Variants in DST observed in about 807,000 individuals in gnomAD.
DST encodes bullous pemphigoid antigen.
In DST, 253 loss-of-function variants were observed where a neutral mutation model predicts 875.2. That is an observed-to-expected ratio of 0.29 (90% CI 0.26 to 0.32). The LOEUF (loss-of-function observed/expected upper bound fraction) is 0.32, where lower values mean the gene tolerates loss of function less well. DST is among the 10% of genes least tolerant of loss of function. The probability of loss-of-function intolerance (pLI) is 1.00; values close to 1 mark genes in which losing one functional copy is unlikely to be tolerated. For synonymous variants in DST, 3,124 were observed against 3,197.1 expected, an observed-to-expected ratio of 0.98 and a Z score of 0.77; for missense variants, 8,287 against 9,111.6, an observed-to-expected ratio of 0.91 and a Z score of 3.68.
intron 2 of DST, among the ~76,000 whole-genome samples, chr6:56,906,150 A>G (rs558230698): frequency 6.6e-6 from 1 of 152,204 alleles, no homozygotes; most frequent in African/African-American, 2.4e-5. Flanking sequence ...TTGAGAAACC[A>G]CCATACTGTT....
At chr6:56,776,179 T>C (rs559882033) in intron 4 of DST, among the ~76,000 whole-genome samples, 1 of 152,238 alleles carries the variant, frequency 6.6e-6, no homozygotes, top group South Asian at 2.1e-4. Context: ...AATCTAACCA[T>C]AGGAAAAACA....
chr6:56,606,288 G>T lies in DST; in HGVS notation c.8340C>A (p.Ser2780=), dbSNP rs45617936. ...EEYVTGQEFH[S]DTDHLDSMQS... is the part of the protein sequence containing the mutation. ...GCATAGAATCTAAATGATCAGTATCGGAGTGAAATTCCTGTCCAGTTACAT... is the reference window on the plus strand; with the variant it reads ...GCATAGAATCTAAATGATCAGTATCTGAGTGAAATTCCTGTCCAGTTACAT... The change falls in exon 40 of 104, where the codon TCC becomes TCA. Residue 2780 remains serine, a synonymous_variant. Transcript: ENST00000680361. The T allele has an allele frequency of 1.3e-6, 2 of 1,593,616 alleles. No homozygotes were observed.
chr6:56,515,359 A>G (rs943221998), intron 72 of DST, 91 bp downstream of exon 72: 1 of 1,401,474 alleles, frequency 7.1e-7, no homozygotes, highest in Non-Finnish European at 9.8e-7. Flanking sequence ...TGCCTTAATC[A>G]TGTAAGTGTT....
intron 3 of DST, chr6:56,871,058 CAAATG>C (rs1776852359): frequency 2.3e-6 from 1 of 437,882 alleles, no homozygotes; most frequent in Non-Finnish European, 4.1e-6. Context: ...AGAAAAATAG[CAAATG>C]AAATGGACAG....
intron 4 of DST, among the ~76,000 whole-genome samples, chr6:56,779,775 G>T (rs1216614686): frequency 1.3e-5 from 2 of 149,884 alleles, no homozygotes; most frequent in Non-Finnish European, 3.0e-5. Flanking sequence ...TGCACAATAT[G>T]CAGGTTAGTT....
intron 72 of DST, among the ~76,000 whole-genome samples, chr6:56,513,534 T>C (rs1283982609): frequency 6.6e-6 from 1 of 150,924 alleles, no homozygotes; most frequent in Non-Finnish European, 1.5e-5. Flanking sequence ...CTGACTAATT[T>C]TGTATTTTTA....
At chr6:56,561,777 C>A (rs1433881672) in intron 56 of DST, among the ~76,000 whole-genome samples, 1 of 152,044 alleles carries the variant, frequency 6.6e-6, no homozygotes, top group Non-Finnish European at 1.5e-5. Context: ...ATAAAAAAGA[C>A]ATTTTAAATG....
intron 4 of DST, chr6:56,842,978 G>C (rs370243574): frequency 3.1e-6 from 4 of 1,273,162 alleles, no homozygotes; most frequent in South Asian, 5.8e-5. Context: ...AGGAGTGGTG[G>C]CTCTGATTAA....
intron 10 of DST, among the ~76,000 whole-genome samples, chr6:56,665,668 C>T (rs949680105): frequency 8.6e-5 from 13 of 152,030 alleles, no homozygotes; most frequent in African/African-American, 1.2e-4. Context: ...GCCATAAAGA[C>T]GGCAACAACC....
chr6:56,653,248 ATACAATGAGTCTGAGTAAGTCATCTCTTT>A, intron 10 of DST, among the ~76,000 whole-genome samples: 1 of 152,366 alleles, frequency 6.6e-6, no homozygotes, highest in Non-Finnish European at 1.5e-5. Context: ...CAGCTGTAGA[ATACAATGAGTCTGAGTAAGTCATCTCTTT>A]TATCATGATG....
intron 2 of DST, among the ~76,000 whole-genome samples, chr6:56,950,287 T>C (rs1483062491): frequency 6.6e-6 from 1 of 152,206 alleles, no homozygotes; most frequent in African/African-American, 2.4e-5. Context: ...AAGGCTTCCC[T>C]TATTCCACTG....
intron 4 of DST, among the ~76,000 whole-genome samples, chr6:56,800,507 A>G (rs2099745416): frequency 6.6e-6 from 1 of 152,154 alleles, no homozygotes; most frequent in Admixed American, 6.5e-5. Flanking sequence ...CCTATCCCCA[A>G]TCTCCATGGT....
At chr6:56,678,528 G>A (rs534560950) in intron 9 of DST, among the ~76,000 whole-genome samples, 192 of 152,250 alleles carry the variant, frequency 1.3e-3, no homozygotes, top group Middle Eastern at 3.4e-3. Flanking sequence ...AGAGAAAAAC[G>A]AAGAGTAGTT....
At position 56,476,178 on chromosome 6, in the gene DST, C is replaced by G; in HGVS notation, c.21835G>C (p.Glu7279Gln). 2 of 1,612,044 alleles carry G rather than the reference C, an allele frequency of 1.2e-6. No homozygotes were observed. The highest frequency in any genetic ancestry group is 1.7e-6 in the Non-Finnish European group (2 of 1,179,102). ...DKEVIPQEIE[E>Q]VKALIAEHQT... ...TGTTCTGCAATGAGTGCTTTCACCT[C>G]TTCGATCTCCTGGGGGATGACTTCT... Residue 7279 changes from glutamate (E) to glutamine (Q), a missense_variant, in exon 92 of 104, where the codon GAG (glutamate) becomes CAG (glutamine). Transcript: ENST00000680361.
chr6:56,791,486 A>C (rs1006539373), intron 4 of DST, among the ~76,000 whole-genome samples: 2 of 152,164 alleles, frequency 1.3e-5, no homozygotes, highest in African/African-American at 2.4e-5. Flanking sequence ...TAAATGTATG[A>C]TTTAAAAATT....
intron 61 of DST, chr6:56,542,846 A>C (rs965388943): frequency 6.6e-6 from 1 of 152,306 alleles, no homozygotes; most frequent in African/African-American, 2.4e-5. Flanking sequence ...CCGGAGCCGC[A>C]GCTCTCTACC....
intron 37 of DST, among the ~76,000 whole-genome samples, chr6:56,613,867 T>C (rs554701091): frequency 6.6e-6 from 1 of 152,318 alleles, no homozygotes; most frequent in East Asian, 1.9e-4. Context: ...CACTTCCTTA[T>C]GAGATAGAAA....
intron 20 of DST, 31 bp from the exon 21 acceptor site, chr6:56,639,642 T>A (rs1015355962): frequency 4.3e-6 from 7 of 1,613,594 alleles, no homozygotes; most frequent in Non-Finnish European, 5.1e-6. Context: ...ATAAGAATCA[T>A]GTTTTTGCCA....
intron 3 of DST, among the ~76,000 whole-genome samples, chr6:56,858,811 T>TA (rs1286965590): frequency 6.6e-6 from 1 of 152,214 alleles, no homozygotes; most frequent in Non-Finnish European, 1.5e-5. Context: ...TGGGTGATTA[T>TA]AATTTAAGCA....
Sources: allele counts gnomAD v4.1 joint callset (sites outside exome capture counted in the v4.1 genomes callset), GRCh38; gene constraint gnomAD v4.1.1; transcripts MANE v1.5; gene names NCBI Gene and HGNC (gene_info 2026-07-23, HGNC 2026-07-21).